Variants in UBE3D observed in about 807,000 individuals in gnomAD.
UBE3D encodes ubiquitin protein ligase E3D.
Under a neutral mutation model 49.6 loss-of-function variants are expected in UBE3D, and 48 were observed. The observed-to-expected ratio is 0.97, with a 90% confidence interval of 0.77 to 1.23. The LOEUF (loss-of-function observed/expected upper bound fraction) is 1.23, where lower values mean the gene tolerates loss of function less well. UBE3D is among the 50% of genes most tolerant of loss of function. The pLI is 0.00. For synonymous variants in UBE3D, 189 were observed against 174.2 expected (o/e 1.08, Z -0.67); for missense variants, 452 against 468.4 (o/e 0.96, Z 0.32).
chr6:83,023,465 A>T (rs1282002241), intron 6 of UBE3D, among the ~76,000 whole-genome samples: 1 of 152,232 alleles, frequency 6.6e-6, no homozygotes, highest in Non-Finnish European at 1.5e-5. Context: ...GAAAGGTATG[A>T]ATAAAAATGA....
chr6:82,985,606 C>T (rs914709108), intron 8 of UBE3D, among the ~76,000 whole-genome samples: 1 of 152,164 alleles, frequency 6.6e-6, no homozygotes, highest in East Asian at 1.9e-4. Flanking sequence ...TTGTGATCCA[C>T]CCGCCTCGGC....
At chr6:83,046,681 T>TGGG (rs1554211672) in intron 3 of UBE3D, among the ~76,000 whole-genome samples, 2 of 50,062 alleles carry the variant, frequency 4.0e-5, no homozygotes, top group African/African-American at 7.4e-5. Context: ...GCGGGGGGGG[T>TGGG]GGGCGGTGGC....
At chr6:83,019,272 G>T in intron 7 of UBE3D, 136 bp from the exon 8 acceptor site, 2 of 771,278 alleles carry the variant, frequency 2.6e-6, no homozygotes, top group Non-Finnish European at 3.7e-6. Flanking sequence ...TAATTTTAAA[G>T]TTGGGTAGGC....
chr6:82,896,731 C>T (rs1000464130), intron 9 of UBE3D, among the ~76,000 whole-genome samples: 1 of 150,928 alleles, frequency 6.6e-6, no homozygotes, highest in African/African-American at 2.5e-5. Context: ...AACTTTTTAT[C>T]CTCTGTTTTG....
At chr6:83,024,193 G>C (rs1414344291) in intron 5 of UBE3D, among the ~76,000 whole-genome samples, 155 bp from the exon 6 acceptor site, 1 of 152,144 alleles carries the variant, frequency 6.6e-6, no homozygotes, top group Non-Finnish European at 1.5e-5. Flanking sequence ...CTTAGTTTCA[G>C]AAGACAAAGC....
intron 8 of UBE3D, chr6:83,017,327 A>G (rs1780763771): frequency 6.6e-6 from 1 of 152,204 alleles, no homozygotes; most frequent in South Asian, 2.1e-4. Flanking sequence ...ATTTTAATAA[A>G]CAGAAAAGAT....
chr6:82,881,981 C>T, the UBE3D span, among the ~76,000 whole-genome samples: 1 of 152,168 alleles, frequency 6.6e-6, no homozygotes, highest in African/African-American at 2.4e-5. Flanking sequence ...ATTCCACGAA[C>T]ACACCCAGAA....
At chr6:82,957,514 A>G (rs1776249676) in intron 8 of UBE3D, 64 bp from the exon 9 acceptor site, 2 of 1,521,360 alleles carry the variant, frequency 1.3e-6, no homozygotes, top group Non-Finnish European at 1.8e-6. Context: ...AAAATCTGAT[A>G]TGAAAGAAGA....
intron 8 of UBE3D, among the ~76,000 whole-genome samples, chr6:82,982,922 T>C (rs2127720771): frequency 6.6e-6 from 1 of 152,272 alleles, no homozygotes; most frequent in South Asian, 2.1e-4. Context: ...TTCTCCCCGT[T>C]TATCTTCCAC....
Position 83,044,530 on chromosome 6 carries a change from G to C in UBE3D, c.495C>G (p.Asp165Glu). ...TTCTTAAATTCACCAAGAAGAAAGAGTCTCCAATAAAACAGTCATTCTCTT... is the reference window on the plus strand; with the variant it reads ...TTCTTAAATTCACCAAGAAGAAAGACTCTCCAATAAAACAGTCATTCTCTT... The part of the protein sequence containing the change: ...HPQENDCFIG[D>E]SFFLVNLRTS... The change falls in exon 4 of 10, where the codon GAC (aspartate) becomes GAG (glutamate). Residue 165 changes from aspartate to glutamate, a missense_variant. By Grantham distance (45) the Asp-to-Glu change is conservative. Coordinates refer to ENST00000369747, the MANE Select transcript of UBE3D (RefSeq NM_198920.3). The C allele has an allele frequency of 6.2e-7, 1 of 1,614,154 alleles. No homozygotes were observed. Among genetic ancestry groups the C allele is most frequent in the East Asian group, 2.2e-5 (1 of 44,884 alleles).
intron 5 of UBE3D, among the ~76,000 whole-genome samples, chr6:83,026,498 T>G (rs1346579808): frequency 6.6e-6 from 1 of 151,994 alleles, no homozygotes; most frequent in Admixed American, 6.5e-5. Context: ...AAGTTATTTT[T>G]TGAAAAAGTG....
intron 8 of UBE3D, among the ~76,000 whole-genome samples, chr6:83,013,923 T>C (rs1780519670): frequency 6.6e-6 from 1 of 152,084 alleles, no homozygotes; most frequent in Admixed American, 6.5e-5. Context: ...CAAATAGGAT[T>C]ATGACACAAA....
At chr6:82,931,069 C>G (rs1774107502) in intron 9 of UBE3D, among the ~76,000 whole-genome samples, 1 of 152,196 alleles carries the variant, frequency 6.6e-6, no homozygotes, top group African/African-American at 2.4e-5. Flanking sequence ...CCTAGCTGCT[C>G]CAGTCATGGC....
intron 8 of UBE3D, among the ~76,000 whole-genome samples, chr6:83,007,427 A>G (rs1780052746): frequency 6.6e-6 from 1 of 152,172 alleles, no homozygotes; most frequent in African/African-American, 2.4e-5. Context: ...TAAATAAAAA[A>G]CACTTCTTTA....
chr6:82,977,035 A>G (rs1258312146), intron 8 of UBE3D, among the ~76,000 whole-genome samples: 2 of 148,548 alleles, frequency 1.3e-5, no homozygotes, highest in African/African-American at 5.0e-5. Context: ...AATGGCGTCA[A>G]CCCGGGAGGC....
chr6:82,980,700 GT>G (rs1318743008), intron 8 of UBE3D, among the ~76,000 whole-genome samples: 7 of 152,006 alleles, frequency 4.6e-5, no homozygotes, highest in Non-Finnish European at 1.0e-4. Flanking sequence ...TATTTTTATA[GT>G]TTTAGGTCTT....
intron 5 of UBE3D, chr6:83,036,790 T>C (rs577715129): frequency 6.6e-5 from 10 of 151,770 alleles, no homozygotes; most frequent in South Asian, 2.1e-4. Flanking sequence ...TGGCTATTCA[T>C]AGGTGCAATA....
At chr6:82,930,389 C>T (rs1167968038) in intron 9 of UBE3D, among the ~76,000 whole-genome samples, 4 of 152,164 alleles carry the variant, frequency 2.6e-5, no homozygotes, top group South Asian at 2.1e-4. Context: ...TACCCAAAAA[C>T]GTGGAAGTGA....
chr6:82,929,476 T>C (rs1454261071), intron 9 of UBE3D, among the ~76,000 whole-genome samples: 2 of 152,212 alleles, frequency 1.3e-5, no homozygotes, highest in Non-Finnish European at 2.9e-5. Flanking sequence ...TTTTATGAGA[T>C]TAAAGTGTTT....
Sources: allele counts gnomAD v4.1 joint callset (sites outside exome capture counted in the v4.1 genomes callset), GRCh38; gene constraint gnomAD v4.1.1; transcripts MANE v1.5; gene names NCBI Gene and HGNC (gene_info 2026-07-23, HGNC 2026-07-21).